Variants in MAP2K1 observed in about 807,000 individuals in gnomAD.
MAP2K1 encodes dual specificity mitogen-activated protein kinase kinase 1.
In MAP2K1, 16 loss-of-function variants were observed where a neutral mutation model predicts 46.3. The observed-to-expected ratio is 0.35, with a 90% CI of 0.23 to 0.52. The LOEUF (loss-of-function observed/expected upper bound fraction) is 0.52. Ranked by LOEUF, MAP2K1 falls within the 20% of genes least tolerant of loss-of-function variation. The pLI is 0.94. For missense variants in MAP2K1, 263 were observed against 497.1 expected (o/e 0.53, Z 4.48); for synonymous variants, 183 against 185.6 (o/e 0.99, Z 0.11).
chr15:66,411,872 T>G (rs1356249976), intron 1 of MAP2K1, among the ~76,000 whole-genome samples: 1 of 152,222 alleles, frequency 6.6e-6, no homozygotes, highest in Non-Finnish European at 1.5e-5. Context: ...TAACAGTCCC[T>G]TGTGATACAG....
In MAP2K1 at chr15:66,442,238, C is replaced by G. The variant is rs948704964; in HGVS notation, c.439-1042C>G. Among the ~76,000 whole-genome samples the G allele has an allele frequency of 2.0e-5, 3 of 152,304 alleles. No homozygotes were observed. In the South Asian group the frequency reaches 6.2e-4, roughly 32 times the overall value. ...TCAGGTTGGATTCTTTTACTTCTGACTCCATAAAGTCAAGTCCCGGTTCCT... is the reference window on the plus strand; with the variant it reads ...TCAGGTTGGATTCTTTTACTTCTGAGTCCATAAAGTCAAGTCCCGGTTCCT... On this transcript the variant is annotated intron_variant, in intron 3 of 10. Transcript: ENST00000307102.
chr15:66,478,593 G>A (rs1170507911), intron 5 of MAP2K1, among the ~76,000 whole-genome samples: 1 of 150,902 alleles, frequency 6.6e-6, no homozygotes, highest in African/African-American at 2.4e-5. Context: ...CTACCTCCCG[G>A]GTTCAAGCAA....
intron 1 of MAP2K1, among the ~76,000 whole-genome samples, chr15:66,391,601 G>T (rs2093356381): frequency 6.6e-6 from 1 of 152,210 alleles, no homozygotes; most frequent in African/African-American, 2.4e-5. Flanking sequence ...TCACCACTCT[G>T]TAAGTACACC....
At chr15:66,430,231 G>A (rs34750785) in intron 1 of MAP2K1, among the ~76,000 whole-genome samples, 8,549 of 152,116 alleles carry the variant, frequency 0.056, 344 homozygotes, top group Middle Eastern at 0.11. Context: ...TTCCTACCCT[G>A]GTAGCATTCC....
intron 1 of MAP2K1, among the ~76,000 whole-genome samples, chr15:66,388,710 T>G (rs997118697): frequency 2.0e-5 from 3 of 151,506 alleles, no homozygotes; most frequent in Non-Finnish European, 2.9e-5. Context: ...ACCTGTTGGC[T>G]TGATGACTTG....
In MAP2K1 at chr15:66,401,664, T is replaced by C. The variant is rs138843599; in HGVS notation, c.80+14237T>C. 2.1e-3 allele frequency among the ~76,000 whole-genome samples: 316 copies of C among 152,188 alleles called. 1 individual carries two copies. The highest frequency in any genetic ancestry group is 2.9e-3 in the Non-Finnish European group (197 of 68,006). On this transcript the variant is annotated intron_variant, in intron 1 of 10. Transcript: ENST00000307102. ...AACAATGGCTGCAGAGTAAGAAAAG[T>C]GCCACAGAAAAGCTACAAAGCAAGC...
rs374094107 is a variant in MAP2K1, at chr15:66,439,661, G to A, written c.438+2769G>A. Among the ~76,000 whole-genome samples, 92 of 152,282 alleles carry A rather than the reference G, an allele frequency of 6.0e-4. 1 individual carries two copies. The highest frequency in any genetic ancestry group is 2.1e-3 in the African/African-American group (87 of 41,560). ...CATGCCTGTAATCCCAGCTACTTGGGAGGCTGAGGCAGGAGAATCACTTCA... is the reference window on the plus strand; with the variant it reads ...CATGCCTGTAATCCCAGCTACTTGGAAGGCTGAGGCAGGAGAATCACTTCA... On this transcript the variant is annotated intron_variant, in intron 3 of 10. Transcript: ENST00000307102.
chr15:66,435,287 A>T (rs1245062122), intron 2 of MAP2K1, 50 bp downstream of exon 2: 1 of 1,482,158 alleles, frequency 6.7e-7, no homozygotes, highest in East Asian at 2.3e-5. Flanking sequence ...CAGGGTACTT[A>T]GAAGCCTGGG....
chr15:66,389,355 GAGTAGA>G (rs2093351417), intron 1 of MAP2K1, among the ~76,000 whole-genome samples: 1 of 152,184 alleles, frequency 6.6e-6, no homozygotes, highest in South Asian at 2.1e-4. Context: ...AGTGGATACT[GAGTAGA>G]AGTACCTGTT....
At chr15:66,490,452 GT>G (rs756730939) in intron 10 of MAP2K1, 49 bp from the exon 11 acceptor site, 2 of 1,384,602 alleles carry the variant, frequency 1.4e-6, no homozygotes, top group Non-Finnish European at 2.1e-6. Flanking sequence ...GGTGGGTTTT[GT>G]TTTTTTGTTT....
intron 1 of MAP2K1, among the ~76,000 whole-genome samples, chr15:66,419,163 T>TC (rs1012746475): frequency 7.3e-5 from 11 of 151,238 alleles, no homozygotes; most frequent in Non-Finnish European, 1.2e-4. Flanking sequence ...TGTTTTTTTT[T>TC]CCCCCCTCTC....
At chr15:66,465,484 C>T (rs1487712142) in intron 5 of MAP2K1, among the ~76,000 whole-genome samples, 1 of 152,186 alleles carries the variant, frequency 6.6e-6, no homozygotes, top group East Asian at 1.9e-4. Context: ...CTATAGATAA[C>T]ATAACCGATT....
intron 5 of MAP2K1, among the ~76,000 whole-genome samples, chr15:66,447,228 G>A (rs986345269): frequency 2.0e-5 from 3 of 148,704 alleles, no homozygotes; most frequent in Non-Finnish European, 4.5e-5. Flanking sequence ...TTTTTTTGAC[G>A]TCCCCCTTCT....
At chr15:66,444,834 A>G in intron 5 of MAP2K1, 127 bp downstream of exon 5, 1 of 846,128 alleles carries the variant, frequency 1.2e-6, no homozygotes, top group Non-Finnish European at 2.0e-6. Flanking sequence ...ATCTTTTATT[A>G]AAAGTCTTTG....
At chr15:66,447,647 T>C (rs1377214889) in intron 5 of MAP2K1, among the ~76,000 whole-genome samples, 1 of 145,912 alleles carries the variant, frequency 6.9e-6, no homozygotes, top group Non-Finnish European at 1.5e-5. Flanking sequence ...GCTGAGATCA[T>C]GCCATTGCAC....
chr15:66,461,400 C>T (rs1567018105), intron 5 of MAP2K1, among the ~76,000 whole-genome samples: 2 of 151,912 alleles, frequency 1.3e-5, no homozygotes, highest in South Asian at 4.2e-4. Context: ...TTGTTTGAAC[C>T]TGGGAGATGG....
At position 66,470,091 on chromosome 15, in the gene MAP2K1, CTTGTTTTTTTTTTT is replaced by C. The variant is rs1892589148; in HGVS notation, c.569-11661_569-11648del. ...TCCCTCCACCATGCCACTTTTTTTTCTTGTTTTTTTTTTTTTTTTTTTTTTTTGTGGGAATTTAG... is the reference window on the plus strand; with the variant it reads ...TCCCTCCACCATGCCACTTTTTTTTCTTTTTTTTTTTTTGTGGGAATTTAG... On this transcript the variant is annotated intron_variant, in intron 5 of 10. Coordinates refer to ENST00000307102, the MANE Select transcript of MAP2K1 (RefSeq NM_002755.4). Among the ~76,000 whole-genome samples the C allele has an allele frequency of 5.4e-5, 3 of 55,736 alleles. No homozygotes were observed. In the South Asian group the frequency reaches 2.0e-3, roughly 37 times the overall value. The allele number at this position is 55,736 out of a possible 152,430, so 36.6% of individuals were successfully genotyped here.
chr15:66,431,052 C>A (rs1401262087), intron 1 of MAP2K1, among the ~76,000 whole-genome samples: 2 of 152,112 alleles, frequency 1.3e-5, no homozygotes, highest in African/African-American at 4.8e-5. Flanking sequence ...AGGTTGGAGC[C>A]GATCACAGCT....
At chr15:66,400,343 ACTCC>A (rs1248709389) in intron 1 of MAP2K1, among the ~76,000 whole-genome samples, 9 of 151,514 alleles carry the variant, frequency 5.9e-5, no homozygotes, top group African/African-American at 2.2e-4. Context: ...TTTTTTCTTA[ACTCC>A]CTCTTTGGAA....
Sources: gnomAD v4.1 joint callset for allele counts (sites outside exome capture counted in the v4.1 genomes callset) on GRCh38, gnomAD v4.1.1 for gene constraint, MANE v1.5 for transcripts, NCBI Gene and HGNC (gene_info 2026-07-23, HGNC 2026-07-21) for gene names.